The following ADAMTS19 variants were observed in gnomAD, a reference collection of about 807,000 sequenced individuals.
The protein encoded by ADAMTS19 is A disintegrin and metalloproteinase with thrombospondin motifs 19.
In ADAMTS19, 93 loss-of-function variants were observed where a neutral mutation model predicts 153.3. The observed-to-expected ratio is 0.61, with a 90% CI of 0.51 to 0.72. The LOEUF (loss-of-function observed/expected upper bound fraction) is 0.72, where lower values mean the gene tolerates loss of function less well. ADAMTS19 is among the 30% of genes least tolerant of loss of function. The pLI is 0.00. For synonymous variants in ADAMTS19, 600 were observed against 556.6 expected (o/e 1.08, Z -1.10); for missense variants, 1,482 against 1,552.1 (o/e 0.95, Z 0.76).
rs145985376 is a variant in ADAMTS19 at position 129,631,480 on chromosome 5, G to A, written c.1770+9132G>A. On this transcript the variant is annotated intron_variant, in intron 10 of 22. Coordinates refer to ENST00000274487, the MANE Select transcript of ADAMTS19 (RefSeq NM_133638.6). ...ATGACTGCAATTGTCTACTCCCTTC[G>A]ATTATGTCAGATTTTGATTCATACC... is the stretch of plus-strand genomic sequence containing the variant. Among the ~76,000 whole-genome samples the A allele has an allele frequency of 4.8e-3, 725 of 151,942 alleles. 8 individuals are homozygous for A. The highest frequency in any genetic ancestry group is 0.016 in the African/African-American group (674 of 41,520).
chr5:129,461,261 G>A lies in ADAMTS19; in HGVS notation c.251G>A (p.Gly84Asp). The change falls in exon 2 of 23, where the codon GGC becomes GAC. Residue 84 changes from glycine (G) to aspartate (D), a missense_variant. Coordinates refer to ENST00000274487, the MANE Select transcript of ADAMTS19 (RefSeq NM_133638.6). The surrounding 1 kb of genome is among the most constrained non-coding windows in gnomAD (Gnocchi z 4.6). ...GGGSARAQAA[G>D]SSREVRSVAP... ...GGAAGCGCCCGGGCGCAGGCTGCCG[G>A]CAGCTCACGCGAGGTGCGCTCTGTG... is the stretch of plus-strand genomic sequence containing the variant. 1.6e-6 allele frequency: 2 copies of A among 1,264,248 alleles called. No individual in the cohort carries two copies. The highest frequency in any genetic ancestry group is 1.6e-5 in the African/African-American group (1 of 64,336). The allele number at this position is 1,264,248 out of a possible 1,614,324, so 78.3% of individuals were successfully genotyped here. A position where few individuals can be genotyped will look rare whatever the true frequency, so the allele number is the denominator to read the frequency against.
chr5:129,498,334 C>T lies in ADAMTS19; in HGVS notation c.748-10743C>T, dbSNP rs186852824. Among the ~76,000 whole-genome samples, 331 of 152,158 alleles carry T rather than the reference C, an allele frequency of 2.2e-3. 1 individual carries two copies. The highest frequency in any genetic ancestry group is 7.4e-3 in the African/African-American group (307 of 41,554). ...AGAAAGAAAATATCCTGCCCCTTCT[C>T]CCCATCTTTGACTTCTGCCCTACAG... On this transcript the variant is annotated intron_variant, in intron 2 of 22. Coordinates refer to ENST00000274487, the MANE Select transcript of ADAMTS19 (RefSeq NM_133638.6).
At chr5:129,663,153 A>C (rs978351273) in intron 15 of ADAMTS19, among the ~76,000 whole-genome samples, 1 of 152,050 alleles carries the variant, frequency 6.6e-6, no homozygotes, top group South Asian at 2.1e-4. Context: ...CTCGGCCTCC[A>C]AAAGTGCTGG....
intron 11 of ADAMTS19, among the ~76,000 whole-genome samples, chr5:129,644,886 AATTT>A (rs1752987657): frequency 6.6e-6 from 1 of 152,126 alleles, no homozygotes; most frequent in Non-Finnish European, 1.5e-5. Flanking sequence ...TTACCATCAT[AATTT>A]ATTATTGGAA....
intron 16 of ADAMTS19, among the ~76,000 whole-genome samples, chr5:129,677,789 T>G (rs1754614311): frequency 6.6e-6 from 1 of 152,040 alleles, no homozygotes; most frequent in Non-Finnish European, 1.5e-5. Flanking sequence ...CACAGAATAT[T>G]TTTCGAAATA....
chr5:129,736,421 C>G (rs1757669066), intron 22 of ADAMTS19, among the ~76,000 whole-genome samples: 1 of 152,058 alleles, frequency 6.6e-6, no homozygotes, highest in South Asian at 2.1e-4. Flanking sequence ...TTTCATTATG[C>G]ATTCCAGAAC....
chr5:129,498,194 T>G (rs1481928815), intron 2 of ADAMTS19, among the ~76,000 whole-genome samples: 1 of 152,120 alleles, frequency 6.6e-6, no homozygotes, highest in Non-Finnish European at 1.5e-5. Flanking sequence ...CCATTATTTA[T>G]TGCTTTAATT....
At chr5:129,577,671 A>G (rs1046943924) in intron 7 of ADAMTS19, among the ~76,000 whole-genome samples, 1 of 152,138 alleles carries the variant, frequency 6.6e-6, no homozygotes, top group African/African-American at 2.4e-5. Context: ...GAAATGACCA[A>G]GAGAAAGCCA....
intron 2 of ADAMTS19, among the ~76,000 whole-genome samples, chr5:129,467,118 C>A (rs1215483068): frequency 6.6e-6 from 1 of 152,138 alleles, no homozygotes; most frequent in African/African-American, 2.4e-5. Flanking sequence ...GTTGTACCTA[C>A]CTGTGTTCAG....
At chr5:129,550,518 G>A (rs201578849) in intron 6 of ADAMTS19, among the ~76,000 whole-genome samples, 1 of 148,376 alleles carries the variant, frequency 6.7e-6, no homozygotes, top group Non-Finnish European at 1.5e-5. Context: ...ATACATATCT[G>A]TATATATATA....
rs940751952 is a variant in ADAMTS19, at chr5:129,735,818, T to C, written c.3490+709T>C. On this transcript the variant is annotated intron_variant, in intron 22 of 22. Coordinates refer to ENST00000274487, the MANE Select transcript of ADAMTS19 (RefSeq NM_133638.6). ...ACTAATGAATGATTTAGCATTTACA[T>C]CTTGACTATTAGTAGCATTTAACAG... is the stretch of plus-strand genomic sequence containing the variant. 5.0e-4 allele frequency among the ~76,000 whole-genome samples: 76 copies of C among 152,030 alleles called. 1 individual carries two copies. The highest frequency in any genetic ancestry group is 5.6e-4 in the Non-Finnish European group (38 of 67,952).
chr5:129,701,338 T>G, intron 19 of ADAMTS19, 50 bp from the exon 20 acceptor site: 1 of 1,595,730 alleles, frequency 6.3e-7, no homozygotes, highest in Non-Finnish European at 8.6e-7. Flanking sequence ...CTAATACAAG[T>G]AGATAGGTAT....
At chr5:129,583,292 T>G (rs914943577) in intron 7 of ADAMTS19, among the ~76,000 whole-genome samples, 10 of 152,238 alleles carry the variant, frequency 6.6e-5, no homozygotes, top group African/African-American at 2.2e-4. Flanking sequence ...ATTAGTCTGA[T>G]GGGCTTCCCT....
intron 10 of ADAMTS19, among the ~76,000 whole-genome samples, chr5:129,623,554 G>A (rs1751882815): frequency 6.6e-6 from 1 of 152,162 alleles, no homozygotes; most frequent in South Asian, 2.1e-4. Flanking sequence ...TAATTAAGAT[G>A]CTTTATAACG....
At chr5:129,609,391 A>G (rs548745472) in intron 8 of ADAMTS19, among the ~76,000 whole-genome samples, 6 of 152,324 alleles carry the variant, frequency 3.9e-5, no homozygotes, top group African/African-American at 1.4e-4. Flanking sequence ...CAAAATACAG[A>G]GTGACTGAAT....
intron 8 of ADAMTS19, among the ~76,000 whole-genome samples, chr5:129,607,242 C>A (rs1750945554): frequency 6.6e-6 from 1 of 152,124 alleles, no homozygotes; most frequent in Non-Finnish European, 1.5e-5. Context: ...GTCTCTTACA[C>A]TGATTATTTT....
intron 7 of ADAMTS19, among the ~76,000 whole-genome samples, chr5:129,555,059 C>A: frequency 6.6e-6 from 1 of 151,952 alleles, no homozygotes; most frequent in Admixed American, 6.6e-5. Context: ...TTGTTTACTT[C>A]TTTTCTCTTT....
rs192706238 is a variant in ADAMTS19, at chr5:129,480,830, G to A, written c.747+19073G>A. Among the ~76,000 whole-genome samples the A allele has an allele frequency of 9.0e-4, 137 of 152,170 alleles. 2 individuals are homozygous for A. In the East Asian group the frequency reaches 0.022, roughly 24 times the overall value. On this transcript the variant is annotated intron_variant, in intron 2 of 22. Transcript: ENST00000274487. ...TCCGCAAAATGGATGAATGATGGAA[G>A]CTAAACACCAAAAATTACATAATAT...
At chr5:129,460,650 G>A (rs543233674) in intron 1 of ADAMTS19, 168 bp downstream of exon 1, 8 of 687,586 alleles carry the variant, frequency 1.2e-5, no homozygotes, top group East Asian at 5.4e-5. Flanking sequence ...CGGAAATGAA[G>A]CACACTTCTG....
Sources: allele counts gnomAD v4.1 joint callset (sites outside exome capture counted in the v4.1 genomes callset), GRCh38; gene constraint gnomAD v4.1.1; non-coding constraint Gnocchi (gnomAD v3.1); transcripts MANE v1.5; gene names NCBI Gene and HGNC (gene_info 2026-07-23, HGNC 2026-07-21).